The following HOMER2 variants were observed in gnomAD, a reference collection of about 807,000 sequenced individuals.
The protein encoded by HOMER2 is homer scaffold protein 2.
In HOMER2, 27 loss-of-function variants were observed where a neutral mutation model predicts 47.0. The ratio of observed to expected loss-of-function variants is 0.57; its 90% confidence interval spans 0.42 to 0.79. HOMER2 has a LOEUF of 0.79. HOMER2 is among the 30% of genes least tolerant of loss of function. The pLI is 0.00. For missense variants in HOMER2, 443 were observed against 435.0 expected, an observed-to-expected ratio of 1.02 and a Z score of -0.16; for synonymous variants, 161 against 163.8, an observed-to-expected ratio of 0.98 and a Z score of 0.13.
intron 1 of HOMER2, among the ~76,000 whole-genome samples, chr15:82,940,551 G>A (rs1228091404): frequency 6.6e-6 from 1 of 152,162 alleles, no homozygotes; most frequent in East Asian, 1.9e-4. Flanking sequence ...AGACCATCCT[G>A]GCTAACACAG....
chr15:82,950,624 A>G (rs912271125), intron 1 of HOMER2, among the ~76,000 whole-genome samples: 7 of 152,222 alleles, frequency 4.6e-5, no homozygotes, highest in Admixed American at 2.6e-4. Flanking sequence ...CATAAATAAT[A>G]GAAGACATGG....
upstream of HOMER2, among the ~76,000 whole-genome samples, chr15:82,953,914 T>G (rs140791449): frequency 1.6e-4 from 24 of 151,078 alleles, no homozygotes; most frequent in Non-Finnish European, 2.7e-4. Context: ...ATTAAATACA[T>G]AAATAGCCGG....
chr15:82,857,583 AC>A (rs1051852259), intron 5 of HOMER2, among the ~76,000 whole-genome samples: 1 of 151,778 alleles, frequency 6.6e-6, no homozygotes, highest in African/African-American at 2.4e-5. Flanking sequence ...GGCATGTATC[AC>A]CGTGCCCGGC....
intron 3 of HOMER2, among the ~76,000 whole-genome samples, chr15:82,871,652 G>A (rs967060252): frequency 2.0e-5 from 3 of 152,196 alleles, no homozygotes; most frequent in Non-Finnish European, 2.9e-5. Context: ...TGTGGGCACC[G>A]AGCAGAACTC....
chr15:82,984,746 G>A (rs2030531163), intron 1 of HOMER2, among the ~76,000 whole-genome samples: 2 of 152,196 alleles, frequency 1.3e-5, no homozygotes, highest in African/African-American at 4.8e-5. Flanking sequence ...AGCCCAGGAA[G>A]TCGAGGCTGC....
chr15:82,881,624 T>C (rs1004215862), intron 2 of HOMER2, among the ~76,000 whole-genome samples: 12 of 152,240 alleles, frequency 7.9e-5, no homozygotes, highest in African/African-American at 2.7e-4. Context: ...TCTGTATTTA[T>C]TCAAAGGAGT....
chr15:82,921,573 C>T (rs1022576272), intron 1 of HOMER2, among the ~76,000 whole-genome samples: 17 of 152,216 alleles, frequency 1.1e-4, no homozygotes, highest in Admixed American at 1.0e-3. Flanking sequence ...GGAGTCCACT[C>T]GTCCCCCATC....
At chr15:82,971,492 A>AT (rs111854365) in intron 1 of HOMER2, among the ~76,000 whole-genome samples, 348 of 151,354 alleles carry the variant, frequency 2.3e-3, no homozygotes, top group African/African-American at 7.5e-3. Flanking sequence ...TAAGGGTATC[A>AT]TTTTTTTTTC....
intron 1 of HOMER2, among the ~76,000 whole-genome samples, chr15:82,947,339 T>C (rs964042968): frequency 3.3e-5 from 5 of 152,164 alleles, no homozygotes; most frequent in African/African-American, 1.2e-4. Context: ...AGTAAATCGG[T>C]ATAGAGTACC....
intron 1 of HOMER2, among the ~76,000 whole-genome samples, chr15:82,911,344 C>T (rs112590638): frequency 0.04 from 6,047 of 152,216 alleles, 148 homozygotes; most frequent in Middle Eastern, 0.082. Context: ...TTCCCAGGTA[C>T]CTACCCTTTC....
intron 1 of HOMER2, among the ~76,000 whole-genome samples, chr15:82,963,557 G>A (rs1000107679): frequency 7.9e-5 from 12 of 152,188 alleles, no homozygotes; most frequent in African/African-American, 1.9e-4. Flanking sequence ...TTGCCTCATC[G>A]TATGAATCAC....
At chr15:82,850,016 G>A in intron 8 of HOMER2, 113 bp from the exon 9 acceptor site, 1 of 1,064,044 alleles carries the variant, frequency 9.4e-7, no homozygotes, top group South Asian at 1.5e-5. Context: ...CCTGGGCCAG[G>A]GCTTAAGCTG....
In HOMER2 at chr15:82,851,476, A is replaced by G. The variant is rs3784377; in HGVS notation, c.763-245T>C. The stretch of plus-strand genomic sequence containing the variant: ...CAGATGTTTTTCCGATTTCTGTTTT[A>G]TAAGTGGAGAAAGTGAGGCCTAGGG... On this transcript the variant is annotated intron_variant, in intron 7 of 8. Coordinates refer to ENST00000450735, the MANE Select transcript of HOMER2 (RefSeq NM_004839.4). Among the ~76,000 whole-genome samples the G allele has an allele frequency of 0.3, 45,790 of 152,116 alleles. 7,096 individuals are homozygous for G. Among genetic ancestry groups the G allele is most frequent in the East Asian group, 0.44 (2,255 of 5,162 alleles).
chr15:82,881,106 C>T (rs1172472482), intron 2 of HOMER2, among the ~76,000 whole-genome samples: 1 of 152,230 alleles, frequency 6.6e-6, no homozygotes, highest in African/African-American at 2.4e-5. Context: ...CATACAGGCT[C>T]CCATCTCTGT....
At chr15:82,925,782 A>T (rs1252898952) in intron 1 of HOMER2, 2 of 152,144 alleles carry the variant, frequency 1.3e-5, no homozygotes, top group Admixed American at 1.3e-4. Context: ...CAGCTGGACC[A>T]CTAGGCTCCT....
intron 4 of HOMER2, 154 bp from the exon 5 acceptor site, chr15:82,859,289 G>T: frequency 1.0e-6 from 1 of 964,314 alleles, no homozygotes; most frequent in Non-Finnish European, 1.5e-6. Flanking sequence ...ATGCAGCAAA[G>T]ACTAACAAGT....
Position 82,931,412 on chromosome 15 carries a change from G to A in HOMER2, c.5+21119C>T, listed in dbSNP as rs540768962. ...TTCAGAACATTTAAAATTCATGGGA[G>A]AAGCCAAGGAGTAGCTTTTTTTAGC... is the stretch of plus-strand genomic sequence containing the variant. On this transcript the variant is annotated intron_variant, in intron 1 of 8. Coordinates refer to ENST00000450735, the MANE Select transcript of HOMER2 (RefSeq NM_004839.4). Among the ~76,000 whole-genome samples the A allele has an allele frequency of 6.6e-5, 10 of 152,236 alleles. No individual in the cohort carries two copies. In the South Asian group the frequency reaches 1.7e-3, roughly 25 times the overall value.
intron 1 of HOMER2, among the ~76,000 whole-genome samples, chr15:82,923,667 G>A (rs964880866): frequency 6.6e-6 from 1 of 152,072 alleles, no homozygotes; most frequent in African/African-American, 2.4e-5. Flanking sequence ...CAGCAGAACC[G>A]CTAGATAATG....
chr15:82,976,272 A>G (rs2030197398), intron 1 of HOMER2, among the ~76,000 whole-genome samples: 1 of 151,820 alleles, frequency 6.6e-6, no homozygotes, highest in African/African-American at 2.4e-5. Context: ...GCATCCCATT[A>G]GATTATCATG....
Sources: allele counts gnomAD v4.1 joint callset (sites outside exome capture counted in the v4.1 genomes callset), GRCh38; gene constraint gnomAD v4.1.1; transcripts MANE v1.5; gene names NCBI Gene and HGNC (gene_info 2026-07-23, HGNC 2026-07-21).